The following JAKMIP1 variants were observed in gnomAD, a reference collection of about 807,000 sequenced individuals.
The protein encoded by JAKMIP1 is janus kinase and microtubule-interacting protein 1.
A neutral mutation model predicts 113.0 loss-of-function variants in JAKMIP1; 33 were observed. That is an observed-to-expected ratio of 0.29 (90% CI 0.22 to 0.39). The LOEUF (loss-of-function observed/expected upper bound fraction) is 0.39, where lower values mean the gene tolerates loss of function less well. Among genes scored for constraint, JAKMIP1 ranks in the 10% least tolerant of loss-of-function variants. The pLI is 1.00. For synonymous variants in JAKMIP1, 480 were observed against 459.9 expected (o/e 1.04, Z -0.56); for missense variants, 813 against 1,080.5 (o/e 0.75, Z 3.47).
chr4:6,199,421 C>A lies in JAKMIP1; in HGVS notation c.-148+832G>T, dbSNP rs998087562. Among the ~76,000 whole-genome samples, 1 of 152,134 alleles carries A rather than the reference C, an allele frequency of 6.6e-6. No individual in the cohort carries two copies. The highest frequency in any genetic ancestry group is 1.9e-4 in the East Asian group (1 of 5,172). On this transcript the variant is annotated intron_variant, in intron 1 of 20. Transcript: ENST00000409021. This position sits in a 1 kb window ranked among gnomAD's most constrained non-coding sequence, Gnocchi z 5.6. ...CAGCAGGGGGGATGGAGCGAAGGAC[C>A]GAGGGGCTGGGAGGCGAGGCCGCAG...
intron 1 of JAKMIP1, among the ~76,000 whole-genome samples, chr4:6,163,679 C>G (rs1259022578): frequency 6.6e-6 from 1 of 152,216 alleles, no homozygotes; most frequent in African/African-American, 2.4e-5. Context: ...AAAGCTAGGC[C>G]TCTTGCACCA....
At position 6,167,031 on chromosome 4, in the gene JAKMIP1, T is replaced by G. The variant is rs1310835681; in HGVS notation, c.-148+33222A>C. The stretch of plus-strand genomic sequence containing the variant: ...CTACCTCCTAGGGTCTCTCAAATAC[T>G]GTATGTGCTACCCCACATCAAGTAC... On this transcript the variant is annotated intron_variant, in intron 1 of 20. Coordinates refer to ENST00000409021, the MANE Select transcript of JAKMIP1 (RefSeq NM_001099433.2). The surrounding 1 kb of genome is among the most constrained non-coding windows in gnomAD (Gnocchi z 5.3). Among the ~76,000 whole-genome samples, 1 of 151,996 alleles carries G rather than the reference T, an allele frequency of 6.6e-6. No individual in the cohort carries two copies. The highest frequency in any genetic ancestry group is 1.5e-5 in the Non-Finnish European group (1 of 67,984).
In JAKMIP1 at chr4:6,178,660, C is replaced by T. The variant is rs922295731; in HGVS notation, c.-148+21593G>A. Among the ~76,000 whole-genome samples the T allele has an allele frequency of 6.6e-6, 1 of 152,120 alleles. No homozygotes were observed. Among genetic ancestry groups the T allele is most frequent in the African/African-American group, 2.4e-5 (1 of 41,406 alleles). ...ATGATTGTAAGTTTTTTAAGGCTTC[C>T]CCAGCCATGCAAAACTGTGAGTCAA... On this transcript the variant is annotated intron_variant, in intron 1 of 20. Coordinates refer to ENST00000409021, the MANE Select transcript of JAKMIP1 (RefSeq NM_001099433.2). The surrounding 1 kb of genome is among the most constrained non-coding windows in gnomAD (Gnocchi z 5.5).
chr4:6,183,139 GAC>G lies in JAKMIP1; in HGVS notation c.-148+17112_-148+17113del, dbSNP rs1270430403. 2.6e-5 allele frequency among the ~76,000 whole-genome samples: 4 copies of G among 152,198 alleles called. No homozygotes were observed. The highest frequency in any genetic ancestry group is 4.8e-5 in the African/African-American group (2 of 41,452). On this transcript the variant is annotated intron_variant, in intron 1 of 20. Coordinates refer to ENST00000409021, the MANE Select transcript of JAKMIP1 (RefSeq NM_001099433.2). This position sits in a 1 kb window ranked among gnomAD's most constrained non-coding sequence, Gnocchi z 5.3. ...CAGATAACAATACCACAGATATCTA[GAC>G]ACACAGATACAGGTGCCCTGCGAAG...
intron 11 of JAKMIP1, among the ~76,000 whole-genome samples, chr4:6,060,114 G>T (rs1171361670): frequency 2.0e-5 from 3 of 152,130 alleles, no homozygotes; most frequent in African/African-American, 7.2e-5. Context: ...TCTTCTTCAG[G>T]TTCAAGTCAA....
intron 1 of JAKMIP1, among the ~76,000 whole-genome samples, chr4:6,118,426 G>A (rs1444983912): frequency 6.6e-6 from 1 of 152,140 alleles, no homozygotes; most frequent in East Asian, 1.9e-4. Context: ...TGACATGGAG[G>A]CTGGGACAAG....
intron 2 of JAKMIP1, among the ~76,000 whole-genome samples, chr4:6,110,227 G>T (rs912361039): frequency 4.6e-5 from 7 of 152,122 alleles, no homozygotes; most frequent in African/African-American, 1.7e-4. Flanking sequence ...AATCCGATTT[G>T]CCTGGTGTCT....
intron 3 of JAKMIP1, among the ~76,000 whole-genome samples, chr4:6,096,633 T>G (rs1021437416): frequency 6.6e-6 from 1 of 152,248 alleles, no homozygotes; most frequent in Non-Finnish European, 1.5e-5. Context: ...ATCCATGGCC[T>G]GAGGCTGAGT....
rs902353747 is a variant in JAKMIP1 at position 6,155,267 on chromosome 4, C to T, written c.-147-42270G>A. Among the ~76,000 whole-genome samples, 2 of 152,156 alleles carry T rather than the reference C, an allele frequency of 1.3e-5. No individual in the cohort carries two copies. Among genetic ancestry groups the T allele is most frequent in the Admixed American group, 6.5e-5 (1 of 15,274 alleles). On this transcript the variant is annotated intron_variant, in intron 1 of 20. Transcript: ENST00000409021. This position sits in a 1 kb window ranked among gnomAD's most constrained non-coding sequence, Gnocchi z 6.1. The stretch of plus-strand genomic sequence containing the variant: ...GGAGGAAACAACATTCCCTCCTCTG[C>T]GCTCAACGCCTTTTAATACCAGCAA...
In JAKMIP1 at chr4:6,044,309, T is replaced by C. The variant is rs1319195550; in HGVS notation, c.2029-2082A>G. ...TGACACAAGCAGGTGCCTAATAAAC[T>C]TCTGTCGAATGAAGGAGAATCAAGG... On this transcript the variant is annotated intron_variant, in intron 16 of 20. Transcript: ENST00000409021. This position sits in a 1 kb window ranked among gnomAD's most constrained non-coding sequence, Gnocchi z 4.4. 2.0e-5 allele frequency among the ~76,000 whole-genome samples: 3 copies of C among 152,120 alleles called. No homozygotes were observed. Among genetic ancestry groups the C allele is most frequent in the African/African-American group, 7.2e-5 (3 of 41,428 alleles).
rs903378499 is a variant in JAKMIP1, at chr4:6,183,155, T to C, written c.-148+17098A>G. On this transcript the variant is annotated intron_variant, in intron 1 of 20. Coordinates refer to ENST00000409021, the MANE Select transcript of JAKMIP1 (RefSeq NM_001099433.2). The surrounding 1 kb of genome is among the most constrained non-coding windows in gnomAD (Gnocchi z 5.3). ...AGATATCTAGACACACAGATACAGG[T>C]GCCCTGCGAAGGGGTGCTGGCTGAT... Among the ~76,000 whole-genome samples the C allele has an allele frequency of 1.3e-5, 2 of 152,154 alleles. No homozygotes were observed. Among genetic ancestry groups the C allele is most frequent in the African/African-American group, 4.8e-5 (2 of 41,432 alleles).
chr4:6,129,989 G>A lies in JAKMIP1; in HGVS notation c.-147-16992C>T, dbSNP rs1481389023. On this transcript the variant is annotated intron_variant, in intron 1 of 20. Transcript: ENST00000409021. The surrounding 1 kb of genome is among the most constrained non-coding windows in gnomAD (Gnocchi z 5.4). ...TGTCCCAGTGAAGCCAAGTTCAGGAGAAGAGGCCTCTCTAAATTTGGAAGA... is the reference window on the plus strand; with the variant it reads ...TGTCCCAGTGAAGCCAAGTTCAGGAAAAGAGGCCTCTCTAAATTTGGAAGA... 6.6e-6 allele frequency among the ~76,000 whole-genome samples: 1 copy of A among 152,220 alleles called. No homozygotes were observed. The highest frequency in any genetic ancestry group is 1.5e-5 in the Non-Finnish European group (1 of 68,050).
rs929384211 is a variant in JAKMIP1 at position 6,168,040 on chromosome 4, G to T, written c.-148+32213C>A. On this transcript the variant is annotated intron_variant, in intron 1 of 20. Coordinates refer to ENST00000409021, the MANE Select transcript of JAKMIP1 (RefSeq NM_001099433.2). This position sits in a 1 kb window ranked among gnomAD's most constrained non-coding sequence, Gnocchi z 4.6. ...ATGGCCAAGGAGCACCTGAAGAGACGCTCAACGTCATCAGCCCTCAGGGTA... is the reference window on the plus strand; with the variant it reads ...ATGGCCAAGGAGCACCTGAAGAGACTCTCAACGTCATCAGCCCTCAGGGTA... Among the ~76,000 whole-genome samples, 2 of 152,168 alleles carry T rather than the reference G, an allele frequency of 1.3e-5. No homozygotes were observed. Among genetic ancestry groups the T allele is most frequent in the African/African-American group, 2.4e-5 (1 of 41,428 alleles).
At chr4:6,149,566 T>C (rs1721307351) in intron 1 of JAKMIP1, among the ~76,000 whole-genome samples, 1 of 152,214 alleles carries the variant, frequency 6.6e-6, no homozygotes, top group Non-Finnish European at 1.5e-5. Context: ...GTGGTCAAGA[T>C]AGAAAGGATG....
chr4:6,121,869 G>A (rs930314582), intron 1 of JAKMIP1, among the ~76,000 whole-genome samples: 11 of 152,278 alleles, frequency 7.2e-5, no homozygotes, highest in Middle Eastern at 6.8e-3. Context: ...TTGACCTGTG[G>A]GCATCACTCT....
intron 18 of JAKMIP1, among the ~76,000 whole-genome samples, chr4:6,037,749 CTG>C (rs1713714733): frequency 4.2e-5 from 6 of 143,676 alleles, no homozygotes; most frequent in Admixed American, 6.8e-5. Flanking sequence ...CAGAGGCTAA[CTG>C]GTAGCCCTCC....
At chr4:6,038,195 T>C (rs923068697) in intron 18 of JAKMIP1, among the ~76,000 whole-genome samples, 1 of 141,236 alleles carries the variant, frequency 7.1e-6, no homozygotes, top group Admixed American at 7.0e-5. Context: ...CCAGTAGCCC[T>C]CCATCACCGA....
chr4:6,111,843 C>T (rs567368582), intron 2 of JAKMIP1, among the ~76,000 whole-genome samples: 44 of 152,148 alleles, frequency 2.9e-4, no homozygotes, highest in Admixed American at 4.6e-4. Flanking sequence ...CTAGCAGAGC[C>T]CTGAGTCCAG....
chr4:6,114,559 A>G (rs1039826648), intron 1 of JAKMIP1, among the ~76,000 whole-genome samples: 2 of 152,190 alleles, frequency 1.3e-5, no homozygotes, highest in Non-Finnish European at 2.9e-5. Context: ...GGGCCCTGGG[A>G]CATCCCTCCA....
Sources: allele counts gnomAD v4.1 joint callset (sites outside exome capture counted in the v4.1 genomes callset), GRCh38; gene constraint gnomAD v4.1.1; non-coding constraint Gnocchi (gnomAD v3.1); transcripts MANE v1.5; gene names NCBI Gene and HGNC (gene_info 2026-07-23, HGNC 2026-07-21).